The following ADAMTSL1 variants were observed in gnomAD, a reference collection of about 807,000 sequenced individuals.
The protein encoded by ADAMTSL1 is ADAMTS-like protein 1.
Under a neutral mutation model 201.8 loss-of-function variants are expected in ADAMTSL1, and 126 were observed. The observed-to-expected ratio is 0.62, with a 90% CI of 0.54 to 0.72. The LOEUF is 0.72. ADAMTSL1 is among the 30% of genes least tolerant of loss of function. The pLI is 0.00. For synonymous variants in ADAMTSL1, 1,121 were observed against 903.4 expected (o/e 1.24, Z -4.32); for missense variants, 2,679 against 2,277.8 (o/e 1.18, Z -3.59).
chr9:18,891,351 A>C (rs1218112975), intron 25 of ADAMTSL1, among the ~76,000 whole-genome samples: 1 of 151,348 alleles, frequency 6.6e-6, no homozygotes, highest in Non-Finnish European at 1.5e-5. Context: ...TGTTAGATAA[A>C]TTTTCTCCAT....
At chr9:18,069,500 T>C (rs770712055) in intron 1 of ADAMTSL1, among the ~76,000 whole-genome samples, 1 of 152,232 alleles carries the variant, frequency 6.6e-6, no homozygotes, top group African/African-American at 2.4e-5. Context: ...CACTCTGATA[T>C]TGCCTATTCT....
intron 20 of ADAMTSL1, among the ~76,000 whole-genome samples, chr9:18,803,197 G>C (rs763025215): frequency 1.3e-4 from 20 of 152,230 alleles, no homozygotes; most frequent in Admixed American, 1.2e-3. Context: ...CTCTAAAAGA[G>C]AATCCTTTTC....
chr9:18,223,618 G>T (rs921665065), intron 2 of ADAMTSL1, among the ~76,000 whole-genome samples: 1 of 151,952 alleles, frequency 6.6e-6, no homozygotes, highest in Non-Finnish European at 1.5e-5. Flanking sequence ...AATATGCTTA[G>T]TTAGTTCTAA....
intron 7 of ADAMTSL1, among the ~76,000 whole-genome samples, chr9:18,645,306 A>G (rs940853773): frequency 1.3e-5 from 2 of 152,194 alleles, no homozygotes; most frequent in Non-Finnish European, 2.9e-5. Context: ...TCAGATGAGT[A>G]GATTGTTAAA....
intron 15 of ADAMTSL1, among the ~76,000 whole-genome samples, chr9:18,745,389 A>C (rs1020416358): frequency 6.6e-6 from 1 of 152,224 alleles, no homozygotes; most frequent in African/African-American, 2.4e-5. Flanking sequence ...GACCAGCAAA[A>C]GCCCTTTCAA....
chr9:18,271,796 T>C (rs558865382), intron 2 of ADAMTSL1, among the ~76,000 whole-genome samples: 2 of 152,268 alleles, frequency 1.3e-5, no homozygotes, highest in South Asian at 4.1e-4. Context: ...CCACCAACAG[T>C]GTAAAAGTGT....
intron 2 of ADAMTSL1, among the ~76,000 whole-genome samples, chr9:18,289,145 C>A (rs959741700): frequency 9.8e-6 from 1 of 101,636 alleles, no homozygotes; most frequent in Non-Finnish European, 2.0e-5. Context: ...GTCTATCTAT[C>A]TATCTATCTA....
At chr9:18,149,835 A>C (rs1826829802) in intron 1 of ADAMTSL1, among the ~76,000 whole-genome samples, 1 of 152,078 alleles carries the variant, frequency 6.6e-6, no homozygotes, top group Non-Finnish European at 1.5e-5. Context: ...CAGATGGAGC[A>C]GTCAAGTAGA....
At chr9:18,534,642 G>A (rs907676183) in intron 3 of ADAMTSL1, among the ~76,000 whole-genome samples, 2 of 152,162 alleles carry the variant, frequency 1.3e-5, no homozygotes, top group East Asian at 3.9e-4. Flanking sequence ...TATTCTCTAT[G>A]AGGGCTCCAC....
chr9:18,663,049 C>G (rs1022218828), intron 9 of ADAMTSL1, among the ~76,000 whole-genome samples: 4 of 152,196 alleles, frequency 2.6e-5, no homozygotes, highest in Admixed American at 1.3e-4. Context: ...AAGAAAGCTT[C>G]ATCTCATTAA....
chr9:18,027,432 AT>A (rs552237153), intron 1 of ADAMTSL1, among the ~76,000 whole-genome samples: 20,173 of 145,878 alleles, frequency 0.14, 2,405 homozygotes, highest in African/African-American at 0.33. Context: ...TATTTCAAAG[AT>A]TTTTTTTTTT....
At chr9:18,482,884 A>T (rs976430631) in intron 1 of ADAMTSL1, among the ~76,000 whole-genome samples, 4 of 152,204 alleles carry the variant, frequency 2.6e-5, no homozygotes, top group Non-Finnish European at 4.4e-5. Flanking sequence ...TCTAGCTGTT[A>T]TAACCATTTG....
intron 2 of ADAMTSL1, among the ~76,000 whole-genome samples, chr9:18,312,347 A>G (rs72686838): frequency 0.074 from 11,274 of 152,300 alleles, 578 homozygotes; most frequent in Non-Finnish European, 0.11. Flanking sequence ...AAAGTGCTGG[A>G]GTTGATTTTA....
chr9:18,406,819 A>G (rs1169512026), intron 2 of ADAMTSL1, among the ~76,000 whole-genome samples: 2 of 152,200 alleles, frequency 1.3e-5, no homozygotes, highest in Non-Finnish European at 2.9e-5. Context: ...ATTTGGGTAC[A>G]TGTCACTGGT....
At chr9:18,010,835 A>G (rs1820021532) in intron 1 of ADAMTSL1, among the ~76,000 whole-genome samples, 1 of 152,074 alleles carries the variant, frequency 6.6e-6, no homozygotes, top group Non-Finnish European at 1.5e-5. Flanking sequence ...TCAAAAATGT[A>G]ATACACAATT....
intron 2 of ADAMTSL1, among the ~76,000 whole-genome samples, chr9:18,450,552 C>A (rs970660605): frequency 1.3e-5 from 2 of 151,506 alleles, no homozygotes; most frequent in African/African-American, 2.4e-5. Context: ...ATTCTAGGAA[C>A]CCAGATTCAT....
intron 2 of ADAMTSL1, among the ~76,000 whole-genome samples, chr9:18,410,402 T>G (rs559619737): frequency 6.6e-6 from 1 of 152,186 alleles, no homozygotes; most frequent in South Asian, 2.1e-4. Flanking sequence ...AGGTGCCCAG[T>G]GTGTGTTGTT....
At chr9:18,043,650 A>G (rs1358408829) in intron 1 of ADAMTSL1, among the ~76,000 whole-genome samples, 1 of 152,160 alleles carries the variant, frequency 6.6e-6, no homozygotes, top group African/African-American at 2.4e-5. Context: ...CAAAGGGCAG[A>G]AGACTACATT....
intron 2 of ADAMTSL1, among the ~76,000 whole-genome samples, chr9:18,218,967 A>G (rs1201865986): frequency 6.6e-6 from 1 of 152,058 alleles, no homozygotes; most frequent in Non-Finnish European, 1.5e-5. Context: ...CTTTTCTGAT[A>G]TGGATTACCA....
Sources: gnomAD v4.1 joint callset for allele counts (sites outside exome capture counted in the v4.1 genomes callset) on GRCh38, gnomAD v4.1.1 for gene constraint, MANE v1.5 for transcripts, NCBI Gene and HGNC (gene_info 2026-07-23, HGNC 2026-07-21) for gene names.